Variants in FBXW7 observed in about 807,000 individuals in gnomAD.
FBXW7 encodes F-box/WD repeat-containing protein 7.
FBXW7 carries 11 observed loss-of-function variants against 86.3 expected under a neutral mutation model. The observed-to-expected ratio is 0.13, with a 90% CI of 0.08 to 0.21. The LOEUF (loss-of-function observed/expected upper bound fraction) is 0.21, where lower values mean the gene tolerates loss of function less well. FBXW7 is among the 10% of genes least tolerant of loss of function. The pLI, the probability that FBXW7 is intolerant of heterozygous loss-of-function variation, is 1.00. For missense variants in FBXW7, 488 were observed against 847.4 expected (o/e 0.58, Z 5.27); for synonymous variants, 313 against 297.9 (o/e 1.05, Z -0.52).
At chr4:152,377,188 G>GT (rs1734626445) in intron 4 of FBXW7, among the ~76,000 whole-genome samples, 1 of 152,148 alleles carries the variant, frequency 6.6e-6, no homozygotes, top group African/African-American at 2.4e-5. Context: ...GCATTAGAGA[G>GT]TCCTGAGATT....
At chr4:152,477,675 C>T (rs1744535114) in intron 2 of FBXW7, among the ~76,000 whole-genome samples, 1 of 152,088 alleles carries the variant, frequency 6.6e-6, no homozygotes, top group African/African-American at 2.4e-5. Flanking sequence ...TAAATATGAT[C>T]AGGTCAATAA....
At position 152,322,976 on chromosome 4, in the gene FBXW7, C is replaced by T. The variant is rs781679859; in HGVS notation, c.2029G>A (p.Ala677Thr). The change falls in exon 14 of 14, where the codon GCC (alanine) becomes ACC (threonine). Residue 677 changes from alanine to threonine, a missense_variant. This residue lies in a region of FBXW7 where 142 missense variants were observed against 406.6 expected (regional missense o/e 0.35). Transcript: ENST00000281708. ...GSGGVVWRIR[A>T]SNTKLVCAVG... ...GCACACACCAGCTTTGTGTTTGAGGCTCTGATCCGCCACACAACTCCCCCA... is the reference window on the plus strand; with the variant it reads ...GCACACACCAGCTTTGTGTTTGAGGTTCTGATCCGCCACACAACTCCCCCA... 6 of 1,613,732 alleles carry T rather than the reference C, an allele frequency of 3.7e-6. No individual in the cohort carries two copies. The highest frequency in any genetic ancestry group is 4.2e-6 in the Non-Finnish European group (5 of 1,179,820).
Position 152,536,004 on chromosome 4 carries a change from G to GGCGGCGGCGGCAGCGGCA in FBXW7, c.-1108_-1091dup, listed in dbSNP as rs1554005714. ...CTCCTTCGCTCTCAGTCTCAGCGGCGGCGGCGGCGGCAGCGGCAGCGGCAG... is the reference window on the plus strand; with the variant it reads ...CTCCTTCGCTCTCAGTCTCAGCGGCGGCGGCGGCGGCAGCGGCAGCGGCGGCGGCAGCGGCAGCGGCAG... On this transcript the variant is annotated 5_prime_UTR_variant, in exon 1 of 14. Coordinates refer to ENST00000281708, the MANE Select transcript of FBXW7 (RefSeq NM_001349798.2). 1.8e-5 allele frequency: 4 copies of GGCGGCGGCGGCAGCGGCA among 223,510 alleles called. No individual in the cohort carries two copies. Among genetic ancestry groups the GGCGGCGGCGGCAGCGGCA allele is most frequent in the South Asian group, 7.7e-5 (1 of 12,944 alleles). The allele number at this position is 223,510 out of a possible 1,614,324, so 13.8% of individuals were successfully genotyped here. A position where few individuals can be genotyped will look rare whatever the true frequency, so the allele number is the denominator to read the frequency against.
intron 2 of FBXW7, among the ~76,000 whole-genome samples, chr4:152,488,071 A>G (rs1745505942): frequency 6.6e-6 from 1 of 152,066 alleles, no homozygotes; most frequent in African/African-American, 2.4e-5. Flanking sequence ...TGTATCTCAT[A>G]TTGCTTTTAA....
At chr4:152,517,608 C>T (rs548514865) in intron 2 of FBXW7, among the ~76,000 whole-genome samples, 1 of 152,158 alleles carries the variant, frequency 6.6e-6, no homozygotes, top group Non-Finnish European at 1.5e-5. Flanking sequence ...GGGACCTTGA[C>T]CATGTTTAAC....
intron 4 of FBXW7, among the ~76,000 whole-genome samples, chr4:152,406,491 T>C (rs1335702767): frequency 6.6e-6 from 1 of 152,184 alleles, no homozygotes. Context: ...TTTAGAGCTA[T>C]TATTGTTTAA....
chr4:152,406,463 TAC>T (rs1422088485), intron 4 of FBXW7, among the ~76,000 whole-genome samples: 1 of 152,196 alleles, frequency 6.6e-6, no homozygotes, highest in Non-Finnish European at 1.5e-5. Flanking sequence ...GTGAATGAGA[TAC>T]AGTTTATCAC....
intron 2 of FBXW7, among the ~76,000 whole-genome samples, chr4:152,509,142 C>T (rs573421399): frequency 8.5e-5 from 13 of 152,212 alleles, no homozygotes; most frequent in Middle Eastern, 3.4e-3. Context: ...AACTAAAATA[C>T]AACACGTGAA....
chr4:152,470,741 C>T (rs1461215754), intron 2 of FBXW7, among the ~76,000 whole-genome samples: 2 of 152,056 alleles, frequency 1.3e-5, no homozygotes, highest in Non-Finnish European at 1.5e-5. Flanking sequence ...TGAAGCTCTT[C>T]TTGTCTGCCA....
intron 10 of FBXW7, chr4:152,329,036 T>C (rs955305861): frequency 6.6e-6 from 1 of 152,012 alleles, no homozygotes; most frequent in Middle Eastern, 3.2e-3. Flanking sequence ...TACTCTCTTC[T>C]GTTATTTTTT....
rs182199155 is a variant in FBXW7 at position 152,351,480 on chromosome 4, T to A, written c.502-1356A>T. On this transcript the variant is annotated intron_variant, in intron 4 of 13. Transcript: ENST00000281708. ...TACTCATTACATTGTTTTAAAGTGA[T>A]TCCTCTCAGAAACCATTATTTTCTT... is the stretch of plus-strand genomic sequence containing the variant. 2.4e-3 allele frequency among the ~76,000 whole-genome samples: 359 copies of A among 152,196 alleles called. 4 individuals carry two copies. Among genetic ancestry groups the A allele is most frequent in the Admixed American group, 0.019 (296 of 15,278 alleles).
At chr4:152,324,932 G>C (rs944639652) in intron 12 of FBXW7, 1 of 152,772 alleles carries the variant, frequency 6.5e-6, no homozygotes, top group African/African-American at 2.4e-5. Flanking sequence ...ATTAGGAAAT[G>C]TGCCAAAAGA....
chr4:152,523,359 T>A (rs901056570), intron 2 of FBXW7, among the ~76,000 whole-genome samples: 2 of 152,016 alleles, frequency 1.3e-5, no homozygotes, highest in African/African-American at 4.8e-5. Context: ...CAGTTAACAA[T>A]AAATAAAGGG....
intron 2 of FBXW7, among the ~76,000 whole-genome samples, chr4:152,459,695 T>C (rs1311959842): frequency 6.6e-6 from 1 of 152,214 alleles, no homozygotes; most frequent in Non-Finnish European, 1.5e-5. Flanking sequence ...ATATACTATG[T>C]CTTTTCCTAT....
intron 2 of FBXW7, among the ~76,000 whole-genome samples, chr4:152,527,863 T>TACAC (rs749531242): frequency 1.1e-3 from 114 of 103,972 alleles, no homozygotes; most frequent in Admixed American, 2.3e-3. Flanking sequence ...TTAAAAATTA[T>TACAC]ATACACACAC....
At chr4:152,507,189 G>A (rs1056125898) in intron 2 of FBXW7, among the ~76,000 whole-genome samples, 1 of 152,092 alleles carries the variant, frequency 6.6e-6, no homozygotes, top group African/African-American at 2.4e-5. Flanking sequence ...AGGTAATCTG[G>A]ATGGATGGCA....
intron 2 of FBXW7, among the ~76,000 whole-genome samples, chr4:152,456,799 G>A (rs998440616): frequency 2.0e-5 from 3 of 152,060 alleles, no homozygotes; most frequent in Non-Finnish European, 4.4e-5. Context: ...GATACAAACC[G>A]GAAAAGTTTG....
chr4:152,418,397 A>G (rs1453362757), intron 2 of FBXW7, among the ~76,000 whole-genome samples: 1 of 152,202 alleles, frequency 6.6e-6, no homozygotes, highest in African/African-American at 2.4e-5. Flanking sequence ...TTTGAAAAAC[A>G]TGTTACAAAA....
In FBXW7 at chr4:152,387,708, C is replaced by CTTTTTTTTTTTTTTT. The variant is rs34073737; in HGVS notation, c.501+23580_501+23594dup. Reference sequence around the variant, plus strand: ...ATCAAAGAAAAAAAACATGGCATACCTTTTTTTTTTTTTTTTTTGAGACTG... The same window carrying CTTTTTTTTTTTTTTT: ...ATCAAAGAAAAAAAACATGGCATACCTTTTTTTTTTTTTTTTTTTTTTTTTTTTTTTTTGAGACTG... On this transcript the variant is annotated intron_variant, in intron 4 of 13. Transcript: ENST00000281708. 6.0e-4 allele frequency among the ~76,000 whole-genome samples: 68 copies of CTTTTTTTTTTTTTTT among 112,792 alleles called. 3 individuals carry two copies. The highest frequency in any genetic ancestry group is 2.4e-3 in the African/African-American group (67 of 28,174). The allele number at this position is 112,792 out of a possible 152,430, so 74.0% of individuals were successfully genotyped here.
Sources: allele counts gnomAD v4.1 joint callset (sites outside exome capture counted in the v4.1 genomes callset), GRCh38; gene constraint gnomAD v4.1.1; regional missense constraint gnomAD v4.1.1; transcripts MANE v1.5; gene names NCBI Gene and HGNC (gene_info 2026-07-23, HGNC 2026-07-21).